NCOA3: variants seen among roughly 807,000 people sequenced by gnomAD.
NCOA3 encodes the protein CBP-interacting protein.
In NCOA3, 51 loss-of-function variants were observed where a neutral mutation model predicts 158.8. The observed-to-expected ratio is 0.32, with a 90% CI of 0.26 to 0.41. The LOEUF (loss-of-function observed/expected upper bound fraction) is 0.41, where lower values mean the gene tolerates loss of function less well. Among genes scored for constraint, NCOA3 ranks in the 10% least tolerant of loss-of-function variants. NCOA3 has a pLI of 1.00. For missense variants in NCOA3, 1,510 were observed against 1,746.6 expected (o/e 0.86, Z 2.41); for synonymous variants, 537 against 592.4 (o/e 0.91, Z 1.36).
chr20:47,656,419 T>G lies in NCOA3; in HGVS notation c.*3002T>G, dbSNP rs959797228. On this transcript the variant is annotated 3_prime_UTR_variant, in exon 23 of 23. Coordinates refer to ENST00000371998, the MANE Select transcript of NCOA3 (RefSeq NM_181659.3). ...GATAATTGGCTTGATGTCCTAGAAG[T>G]TCTTTGATCCAGAGGTGGGTGCAGC... 3 of 152,126 alleles carry G rather than the reference T, an allele frequency of 2.0e-5. No individual in the cohort carries two copies. Among genetic ancestry groups the G allele is most frequent in the African/African-American group, 7.2e-5 (3 of 41,430 alleles). 9.4% of individuals were successfully genotyped at this position (152,126 alleles called of 1,614,324 possible).
chr20:47,651,380 C>T, intron 20 of NCOA3, 104 bp downstream of exon 20: 1 of 1,486,732 alleles, frequency 6.7e-7, no homozygotes, highest in South Asian at 1.4e-5. Context: ...GATTCACTCC[C>T]TCTTTACTTC....
intron 2 of NCOA3, among the ~76,000 whole-genome samples, chr20:47,605,239 T>C (rs2085926858): frequency 1.3e-5 from 2 of 152,232 alleles, no homozygotes; most frequent in African/African-American, 4.8e-5. Flanking sequence ...ATAATTTTTT[T>C]CCCTTTATTT....
chr20:47,592,623 C>T (rs1568709640), intron 2 of NCOA3, among the ~76,000 whole-genome samples: 1 of 152,182 alleles, frequency 6.6e-6, no homozygotes, highest in Non-Finnish European at 1.5e-5. Context: ...TAGAACCTAA[C>T]TTGATTGTTT....
At chr20:47,534,586 T>C (rs2084602922) in intron 1 of NCOA3, among the ~76,000 whole-genome samples, 1 of 152,194 alleles carries the variant, frequency 6.6e-6, no homozygotes, top group South Asian at 2.1e-4. Context: ...TCAAAGTAAC[T>C]GTCTGCTTTT....
At chr20:47,516,504 T>TA (rs774849597) in intron 1 of NCOA3, among the ~76,000 whole-genome samples, 3 of 152,086 alleles carry the variant, frequency 2.0e-5, no homozygotes, top group African/African-American at 7.2e-5. Context: ...ATAAATAAGA[T>TA]ACACACATAG....
rs1324973119 is a variant in NCOA3, at chr20:47,635,914, T to G, written c.1528T>G (p.Ser510Ala). Residue 510 changes from serine (S) to alanine (A), a missense_variant, in exon 12 of 23, where the codon TCT becomes GCT. Ser to Ala is a moderately conservative substitution (Grantham distance 99). Transcript: ENST00000371998. ...VAGVHSPMAS[S>A]GNTGNHSFSS... ...AGGTGTGCACTCTCCCATGGCATCTTCTGGCAATACTGGGAACCACAGCTT... is the reference window on the plus strand; with the variant it reads ...AGGTGTGCACTCTCCCATGGCATCTGCTGGCAATACTGGGAACCACAGCTT... 1.9e-6 allele frequency: 3 copies of G among 1,613,676 alleles called. No individual in the cohort carries two copies. Among genetic ancestry groups the G allele is most frequent in the Non-Finnish European group, 2.5e-6 (3 of 1,179,776 alleles).
At chr20:47,550,610 A>T (rs1485168476) in intron 1 of NCOA3, among the ~76,000 whole-genome samples, 6 of 152,172 alleles carry the variant, frequency 3.9e-5, no homozygotes, top group Non-Finnish European at 8.8e-5. Flanking sequence ...AAGTTAATCA[A>T]ATTGCTCTCT....
chr20:47,516,340 A>G (rs1197796332), intron 1 of NCOA3, among the ~76,000 whole-genome samples: 1 of 152,280 alleles, frequency 6.6e-6, no homozygotes, highest in Non-Finnish European at 1.5e-5. Context: ...AAACGCCTCT[A>G]ACAAAATAAA....
At chr20:47,556,977 T>G (rs913807108) in intron 1 of NCOA3, among the ~76,000 whole-genome samples, 2 of 152,236 alleles carry the variant, frequency 1.3e-5, no homozygotes, top group Non-Finnish European at 2.9e-5. Flanking sequence ...CATCTTTTTG[T>G]CAGTATATAG....
chr20:47,604,303 G>A (rs2085909446), intron 2 of NCOA3, among the ~76,000 whole-genome samples: 1 of 152,178 alleles, frequency 6.6e-6, no homozygotes, highest in African/African-American at 2.4e-5. Flanking sequence ...ATTTGGTAAG[G>A]TCATGCTGAG....
intron 1 of NCOA3, among the ~76,000 whole-genome samples, chr20:47,524,524 C>T (rs2146089441): frequency 6.6e-6 from 1 of 152,258 alleles, no homozygotes. Context: ...GGTTCTTGGT[C>T]CTCATGCCAG....
chr20:47,556,774 C>T (rs531890309), intron 1 of NCOA3, among the ~76,000 whole-genome samples: 1 of 152,226 alleles, frequency 6.6e-6, no homozygotes, highest in African/African-American at 2.4e-5. Context: ...TTCTATAGCC[C>T]AGGAAAGCAT....
At chr20:47,626,969 C>T in intron 5 of NCOA3, 33 bp from the exon 6 acceptor site, 3 of 1,559,854 alleles carry the variant, frequency 1.9e-6, no homozygotes, top group Non-Finnish European at 2.6e-6. Context: ...CAATTCAGTC[C>T]ATAACAGCCT....
At chr20:47,547,171 A>G (rs1422011288) in intron 1 of NCOA3, among the ~76,000 whole-genome samples, 2 of 152,142 alleles carry the variant, frequency 1.3e-5, no homozygotes, top group Admixed American at 6.5e-5. Context: ...TCACTGACAT[A>G]TCTCAAACAC....
chr20:47,546,965 T>C (rs560373966), intron 1 of NCOA3, among the ~76,000 whole-genome samples: 10 of 152,238 alleles, frequency 6.6e-5, no homozygotes, highest in Non-Finnish European at 1.0e-4. Flanking sequence ...TTCTGTCATA[T>C]GTCTGATTAA....
At position 47,564,186 on chromosome 20, in the gene NCOA3, G is replaced by A. The variant is rs537942109; in HGVS notation, c.-98-18997G>A. Among the ~76,000 whole-genome samples, 6 of 151,524 alleles carry A rather than the reference G, an allele frequency of 4.0e-5. 1 individual carries two copies. The highest frequency in any genetic ancestry group is 1.5e-4 in the African/African-American group (6 of 41,368). ...AAAAAAAATTTATGCACCTTTCTCC[G>A]TTTTTTTCCCCAAGTATGAGCAGAT... On this transcript the variant is annotated intron_variant, in intron 1 of 22. Transcript: ENST00000371998.
Position 47,639,939 on chromosome 20 carries a change from C to G in NCOA3, c.2968C>G (p.Pro990Ala). The change falls in exon 16 of 23, where the codon CCC (proline) becomes GCC (alanine). Residue 990 changes from proline to alanine, a missense_variant. Coordinates refer to ENST00000371998, the MANE Select transcript of NCOA3 (RefSeq NM_181659.3). ...TGCTCCCCCAGGGCCTGGTGAAATC[C>G]CCATGGGAATGGGGGCTAATCCCTA... Reference protein sequence around the residue: ...QMLQMRPGEIPMGMGANPYGQ... With the variant: ...QMLQMRPGEIAMGMGANPYGQ... 1 of 1,614,118 alleles carries G rather than the reference C, an allele frequency of 6.2e-7. No individual in the cohort carries two copies. The highest frequency in any genetic ancestry group is 1.1e-5 in the South Asian group (1 of 91,080).
intron 1 of NCOA3, among the ~76,000 whole-genome samples, chr20:47,553,224 C>T (rs559551143): frequency 8.0e-4 from 121 of 152,158 alleles, no homozygotes; most frequent in African/African-American, 2.8e-3. Flanking sequence ...CGTGAGCCAC[C>T]GTGCCTGGCC....
At chr20:47,645,493 A>G (rs1207394716) in intron 17 of NCOA3, among the ~76,000 whole-genome samples, 2 of 152,016 alleles carry the variant, frequency 1.3e-5, no homozygotes, top group Non-Finnish European at 2.9e-5. Flanking sequence ...CTACTTCTCT[A>G]TTCACTTTGT....
Sources: gnomAD v4.1 joint callset for allele counts (sites outside exome capture counted in the v4.1 genomes callset) on GRCh38, gnomAD v4.1.1 for gene constraint, MANE v1.5 for transcripts, NCBI Gene and HGNC (gene_info 2026-07-23, HGNC 2026-07-21) for gene names.